FAM53A: variants seen among roughly 807,000 people sequenced by gnomAD.
The protein encoded by FAM53A is family with sequence similarity 53 member A.
FAM53A carries 28 observed loss-of-function variants against 26.6 expected under a neutral mutation model. The ratio of observed to expected loss-of-function variants is 1.05; its 90% CI spans 0.78 to 1.45. The LOEUF (loss-of-function observed/expected upper bound fraction) is 1.45, where lower values mean the gene tolerates loss of function less well. Ranked by LOEUF, FAM53A falls within the 40% of genes most tolerant of loss-of-function variation. The pLI is 0.00. For missense variants in FAM53A, 650 were observed against 575.8 expected (o/e 1.13, Z -1.32); for synonymous variants, 290 against 253.1 (o/e 1.15, Z -1.38).
At chr4:1,634,188 C>T (rs949751065) in intron 1 of FAM53A, among the ~76,000 whole-genome samples, 2 of 152,124 alleles carry the variant, frequency 1.3e-5, no homozygotes, top group East Asian at 1.9e-4. Context: ...ACCCTGACCT[C>T]GGGGTGTGGC....
chr4:1,625,412 G>A (rs113650622), intron 1 of FAM53A, among the ~76,000 whole-genome samples: 3 of 60,314 alleles, frequency 5.0e-5, no homozygotes, highest in East Asian at 3.1e-4. Context: ...CCCACGTCCC[G>A]ACCCACGTGG....
At chr4:1,667,572 C>A (rs1156732745) in intron 2 of FAM53A, among the ~76,000 whole-genome samples, 1 of 152,180 alleles carries the variant, frequency 6.6e-6, no homozygotes, top group African/African-American at 2.4e-5. Context: ...CACCCACACT[C>A]GCCAGCTCTC....
chr4:1,586,910 C>A, the FAM53A span, among the ~76,000 whole-genome samples: 3 of 152,048 alleles, frequency 2.0e-5, no homozygotes, highest in Non-Finnish European at 2.9e-5. Context: ...TGTTATCTTT[C>A]ATCTTTTTGA....
rs1381782276 is a variant in FAM53A at position 1,675,441 on chromosome 4, T to G, written c.-164-6536A>C. Among the ~76,000 whole-genome samples, 3 of 152,170 alleles carry G rather than the reference T, an allele frequency of 2.0e-5. No homozygotes were observed. In the East Asian group the frequency reaches 5.8e-4, roughly 29 times the overall value. ...CCCAGGTGATGCCTTCTCCCCACACTAAGTGGGCTCACTTCAGAGGACGGC... is the reference window on the plus strand; with the variant it reads ...CCCAGGTGATGCCTTCTCCCCACACGAAGTGGGCTCACTTCAGAGGACGGC... On this transcript the variant is annotated intron_variant, in intron 1 of 4. Transcript: ENST00000308132.
intron 2 of FAM53A, 48 bp from the exon 3 acceptor site, chr4:1,657,516 C>T (rs189847803): frequency 5.2e-6 from 8 of 1,528,464 alleles, no homozygotes; most frequent in East Asian, 4.5e-5. Context: ...CGTGAGAATT[C>T]GGCAATAATA....
chr4:1,624,273 C>A (rs1021204972), intron 1 of FAM53A, among the ~76,000 whole-genome samples: 1 of 152,194 alleles, frequency 6.6e-6, no homozygotes, highest in Non-Finnish European at 1.5e-5. Context: ...CCACGGCAGG[C>A]AGGGTGGGGC....
chr4:1,604,212 G>A, the FAM53A span, among the ~76,000 whole-genome samples: 2 of 152,224 alleles, frequency 1.3e-5, no homozygotes, highest in African/African-American at 4.8e-5. Context: ...TGTGTGGATG[G>A]GTGGGGAAGA....
chr4:1,601,013 G>T, the FAM53A span, among the ~76,000 whole-genome samples: 1,004 of 152,234 alleles, frequency 6.6e-3, 13 homozygotes, highest in East Asian at 0.03. Flanking sequence ...AGAACAGCAG[G>T]CAGACGCCCC....
the FAM53A span, among the ~76,000 whole-genome samples, chr4:1,603,011 C>A: frequency 1.3e-5 from 2 of 152,210 alleles, no homozygotes; most frequent in African/African-American, 2.4e-5. Context: ...GCCGTCCGGA[C>A]ACAGCTCGGG....
chr4:1,606,580 T>C, the FAM53A span, among the ~76,000 whole-genome samples: 2 of 150,838 alleles, frequency 1.3e-5, no homozygotes, highest in African/African-American at 5.0e-5. Flanking sequence ...AAGTGCATAA[T>C]GACAAGTGCA....
chr4:1,653,549 C>T (rs951974710), intron 4 of FAM53A, among the ~76,000 whole-genome samples: 5 of 152,228 alleles, frequency 3.3e-5, no homozygotes, highest in African/African-American at 1.2e-4. Context: ...CAAGCAGGGA[C>T]AGCCTGCTTG....
chr4:1,575,744 A>T, the FAM53A span, among the ~76,000 whole-genome samples: 1 of 152,056 alleles, frequency 6.6e-6, no homozygotes, highest in Non-Finnish European at 1.5e-5. Context: ...TCCTTGCCAG[A>T]GAGCAGGAGC....
In FAM53A at chr4:1,655,678, C is replaced by T. The variant is rs1713313583; in HGVS notation, c.182G>A (p.Ser61Asn). Residue 61 changes from serine (S) to asparagine (N), a missense_variant, in exon 4 of 5, where the codon AGC becomes AAC. Transcript: ENST00000308132. ...GAAATCAGGGCCCGTGGCTGCCTGG[C>T]TTCTGACGGGCGGTCCTCCACTGAA... ...KVFSGGPPVR[S>N]QAATGPDFSF... The T allele has an allele frequency of 1.9e-6, 3 of 1,594,558 alleles. No homozygotes were observed. The highest frequency in any genetic ancestry group is 2.2e-5 in the South Asian group (2 of 89,398).
At chr4:1,647,744 T>C (rs1712376019) in intron 4 of FAM53A, among the ~76,000 whole-genome samples, 1 of 151,952 alleles carries the variant, frequency 6.6e-6, no homozygotes, top group Admixed American at 6.6e-5. Flanking sequence ...TGAGTGGGAG[T>C]GTGCACCTGA....
At chr4:1,635,920 T>C (rs544429342), downstream of FAM53A, among the ~76,000 whole-genome samples, 6 of 141,756 alleles carry the variant, frequency 4.2e-5, no homozygotes, top group East Asian at 6.7e-4. Context: ...CTCGGCTCAC[T>C]GCAAGCTCTG....
chr4:1,647,944 G>T (rs140355509), intron 4 of FAM53A, among the ~76,000 whole-genome samples: 44 of 152,280 alleles, frequency 2.9e-4, no homozygotes, highest in African/African-American at 1.0e-3. Context: ...GCCTGGTGGC[G>T]CACGCCTGCA....
At position 1,644,174 on chromosome 4, in the gene FAM53A, G is replaced by A. The variant is rs373013054; in HGVS notation, c.883-2567C>T. On this transcript the variant is annotated intron_variant, in intron 4 of 4. Transcript: ENST00000308132. ...TGCACTACACACGCACCGGGGTGGC[G>A]GGGACGCTACGCACCTTCAGGGGCC... 11 of 1,534,372 alleles carry A rather than the reference G, an allele frequency of 7.2e-6. No individual in the cohort carries two copies. The East Asian group carries it at 1.5e-4, about 20-fold the overall frequency.
chr4:1,615,691 G>A (rs1360203110), downstream of FAM53A, among the ~76,000 whole-genome samples: 6 of 152,258 alleles, frequency 3.9e-5, no homozygotes, highest in African/African-American at 1.2e-4. Context: ...GGGATGGCCC[G>A]AATTGTTTGC....
At chr4:1,673,393 C>T (rs186770765) in intron 1 of FAM53A, among the ~76,000 whole-genome samples, 1 of 152,288 alleles carries the variant, frequency 6.6e-6, no homozygotes, top group East Asian at 1.9e-4. Context: ...GACAGAGAAA[C>T]GATGACGTGT....
Sources: allele counts gnomAD v4.1 joint callset (sites outside exome capture counted in the v4.1 genomes callset), GRCh38; gene constraint gnomAD v4.1.1; transcripts MANE v1.5; gene names NCBI Gene and HGNC (gene_info 2026-07-23, HGNC 2026-07-21).